The following RANBP3 variants were observed in gnomAD, a reference collection of about 807,000 sequenced individuals.
RANBP3 encodes RAN binding protein 3.
RANBP3 carries 14 observed loss-of-function variants against 77.3 expected under a neutral mutation model. That is an observed-to-expected ratio of 0.18 (90% CI 0.12 to 0.28). The LOEUF is 0.28. Among genes scored for constraint, RANBP3 ranks in the 10% least tolerant of loss-of-function variants. RANBP3 has a pLI of 1.00. For missense variants in RANBP3, 586 were observed against 752.3 expected (o/e 0.78, Z 2.59); for synonymous variants, 315 against 312.4 (o/e 1.01, Z -0.09).
chr19:5,938,360 T>C (rs2058092363), intron 5 of RANBP3, among the ~76,000 whole-genome samples: 1 of 152,156 alleles, frequency 6.6e-6, no homozygotes, highest in Admixed American at 6.5e-5. Context: ...GCAGGCTCCA[T>C]ATTCTTCAGA....
chr19:5,935,153 C>T (rs1011051808), intron 5 of RANBP3, among the ~76,000 whole-genome samples: 1 of 152,234 alleles, frequency 6.6e-6, no homozygotes, highest in Non-Finnish European at 1.5e-5. Flanking sequence ...TTTTCAGACT[C>T]CAAATCAAGA....
chr19:5,939,735 G>T lies in RANBP3; in HGVS notation c.406+1886C>A, dbSNP rs1174139322. ...GAACAGCACGCAAACAGGGCATTCA[G>T]TCTTTCCCGAGAACAGCAAACCCCA... is the stretch of plus-strand genomic sequence containing the variant. On this transcript the variant is annotated intron_variant, in intron 5 of 16. Transcript: ENST00000340578. 4.2e-5 allele frequency among the ~76,000 whole-genome samples: 6 copies of T among 141,596 alleles called. No individual in the cohort carries two copies. In the Admixed American group the frequency reaches 4.3e-4, roughly 10 times the overall value. The allele number at this position is 141,596 out of a possible 152,430, so 92.9% of individuals were successfully genotyped here. A position where few individuals can be genotyped will look rare whatever the true frequency, so the allele number is the denominator to read the frequency against.
rs537083979 is a variant in RANBP3, at chr19:5,923,739, G to C, written c.1099+73C>G. 93 of 1,245,562 alleles carry C rather than the reference G, an allele frequency of 7.5e-5. 2 individuals are homozygous for C. In the South Asian group the frequency reaches 1.1e-3, roughly 15 times the overall value. 77.2% of individuals were successfully genotyped at this position (1,245,562 alleles called of 1,614,324 possible). A position where few individuals can be genotyped will look rare whatever the true frequency, so the allele number is the denominator to read the frequency against. On this transcript the variant is annotated intron_variant, in intron 12 of 16. Transcript: ENST00000340578. ...CGGGCCCCTTATCCCTCCCGGCTGG[G>C]GGTGTGAATGGACCCAGCATCCCCC...
rs117798188 is a variant in RANBP3, at chr19:5,975,203, G to A, written c.22+2858C>T. On this transcript the variant is annotated intron_variant, in intron 1 of 16. Coordinates refer to ENST00000340578, the MANE Select transcript of RANBP3 (RefSeq NM_007322.3). ...AACACACAATGACTGATTGAAGGAC[G>A]GCAGGGATATATGAGGCACAAAGTC... Among the ~76,000 whole-genome samples, 47 of 152,294 alleles carry A rather than the reference G, an allele frequency of 3.1e-4. No homozygotes were observed. The East Asian group carries it at 6.2e-3, about 20-fold the overall frequency.
chr19:5,931,334 C>A, intron 8 of RANBP3, 70 bp downstream of exon 8: 1 of 1,533,596 alleles, frequency 6.5e-7, no homozygotes, highest in Admixed American at 1.8e-5. Context: ...CCACAGCATG[C>A]TGGGAAGGCT....
At position 5,924,892 on chromosome 19, in the gene RANBP3, T is replaced by C. The variant is rs776072699; in HGVS notation, c.931A>G (p.Thr311Ala). 1 of 1,613,936 alleles carries C rather than the reference T, an allele frequency of 6.2e-7. No individual in the cohort carries two copies. The highest frequency in any genetic ancestry group is 8.5e-7 in the Non-Finnish European group (1 of 1,179,796). The change falls in exon 11 of 17, where the codon ACC becomes GCC. Residue 311 changes from threonine (T) to alanine (A), a missense_variant. By Grantham distance (58) the Thr-to-Ala change is moderately conservative. This residue lies in a region of RANBP3 where 232 missense variants were observed against 271.7 expected (regional missense o/e 0.85). Transcript: ENST00000340578. The surrounding 1 kb of genome is among the most constrained non-coding windows in gnomAD (Gnocchi z 4.7). The stretch of plus-strand genomic sequence containing the variant: ...TTGCTGGAGGCGTCGGCACTATTGG[T>C]TGAGTTCTCTAAACTGAAGAGAAGA... ...QYISSSLENS[T>A]NSADASSNKF...
intron 1 of RANBP3, among the ~76,000 whole-genome samples, chr19:5,960,454 C>G (rs1213985011): frequency 6.6e-6 from 1 of 152,172 alleles, no homozygotes; most frequent in Admixed American, 6.5e-5. Context: ...TGATCCACTC[C>G]ATATTGATGG....
intron 2 of RANBP3, among the ~76,000 whole-genome samples, chr19:5,955,392 C>T (rs2145201303): frequency 6.6e-6 from 1 of 152,302 alleles, no homozygotes; most frequent in South Asian, 2.1e-4. Flanking sequence ...GTGTGAGCCA[C>T]CGTGTCTGGC....
At chr19:5,966,858 G>A (rs2058473610) in intron 1 of RANBP3, among the ~76,000 whole-genome samples, 1 of 152,118 alleles carries the variant, frequency 6.6e-6, no homozygotes, top group Non-Finnish European at 1.5e-5. Flanking sequence ...CATAAAATTA[G>A]CTTTAATCCT....
intron 8 of RANBP3, among the ~76,000 whole-genome samples, chr19:5,930,885 G>A (rs1379312575): frequency 6.6e-6 from 1 of 152,162 alleles, no homozygotes; most frequent in Admixed American, 6.5e-5. Context: ...AACTATTTCT[G>A]AGATGACTCC....
At chr19:5,937,398 A>G (rs1171945459) in intron 5 of RANBP3, among the ~76,000 whole-genome samples, 1 of 152,158 alleles carries the variant, frequency 6.6e-6, no homozygotes, top group African/African-American at 2.4e-5. Context: ...GACAGGCCCC[A>G]ACTGAGACAC....
At position 5,958,340 on chromosome 19, in the gene RANBP3, A is replaced by C. The variant is rs1377804505; in HGVS notation, c.23-367T>G. 6.6e-6 allele frequency among the ~76,000 whole-genome samples: 1 copy of C among 152,208 alleles called. No homozygotes were observed. Among genetic ancestry groups the C allele is most frequent in the African/African-American group, 2.4e-5 (1 of 41,456 alleles). ...GGAATGTGGCACCTCCTGAATTGCA[A>C]ATGTTAGAGACTAATTTAGCTTTTT... is the stretch of plus-strand genomic sequence containing the variant. On this transcript the variant is annotated intron_variant, in intron 1 of 16. Transcript: ENST00000340578. The surrounding 1 kb of genome is among the most constrained non-coding windows in gnomAD (Gnocchi z 4.4).
At position 5,925,675 on chromosome 19, in the gene RANBP3, C is replaced by T. The variant is rs780000364; in HGVS notation, c.876G>A (p.Thr292=). The T allele has an allele frequency of 5.9e-5, 96 of 1,613,838 alleles. No individual in the cohort carries two copies. The highest frequency in any genetic ancestry group is 7.5e-5 in the Non-Finnish European group (88 of 1,179,980). Residue 292 remains threonine, a synonymous_variant, in exon 10 of 17, where the codon ACG becomes ACA. Coordinates refer to ENST00000340578, the MANE Select transcript of RANBP3 (RefSeq NM_007322.3). ...MENAGHPSAD[T]PTATNYFLQY... is the part of the protein sequence containing the mutation. ...GGAGGAAATAGTTCGTTGCGGTTGG[C>T]GTGTCTGCGCTGGGGTGTCCAGCAT...
chr19:5,936,572 C>A (rs950065217), intron 5 of RANBP3, among the ~76,000 whole-genome samples: 2 of 152,192 alleles, frequency 1.3e-5, no homozygotes, highest in Non-Finnish European at 1.5e-5. Context: ...TTTCTAAAGA[C>A]CATGTTCCCT....
chr19:5,962,570 C>T (rs1311851536), intron 1 of RANBP3: 10 of 427,688 alleles, frequency 2.3e-5, no homozygotes, highest in South Asian at 8.3e-5. Context: ...TCCAGAGGAA[C>T]GGAACCAAGA....
chr19:5,960,131 G>C (rs898415449), intron 1 of RANBP3, among the ~76,000 whole-genome samples: 20 of 151,990 alleles, frequency 1.3e-4, no homozygotes, highest in African/African-American at 4.8e-4. Context: ...GCCAACCAGA[G>C]GTAGCAGAGT....
At chr19:5,950,997 GT>G in intron 3 of RANBP3, 1 of 269,402 alleles carries the variant, frequency 3.7e-6, no homozygotes. Flanking sequence ...AGCTTCTTGG[GT>G]TTCTAAGACG....
At chr19:5,943,320 G>A (rs1005432391) in intron 3 of RANBP3, among the ~76,000 whole-genome samples, 1 of 152,208 alleles carries the variant, frequency 6.6e-6, no homozygotes, top group Non-Finnish European at 1.5e-5. Context: ...GCCTGGGAAA[G>A]CAAACTGCAA....
chr19:5,917,642 C>T lies in RANBP3; in HGVS notation c.1672G>A (p.Glu558Lys), dbSNP rs377345691. 14 of 1,606,652 alleles carry T rather than the reference C, an allele frequency of 8.7e-6. No homozygotes were observed. The highest frequency in any genetic ancestry group is 1.1e-5 in the South Asian group (1 of 90,440). Residue 558 changes from glutamate (E) to lysine (K), a missense_variant, in exon 17 of 17, where the codon GAA (glutamate) becomes AAA (lysine). By Grantham distance (56) the Glu-to-Lys change is moderately conservative. Around this residue, in one of 5 missense-constraint regions of RANBP3, gnomAD observed 128 missense variants for 157.0 expected, o/e 0.82. Coordinates refer to ENST00000340578, the MANE Select transcript of RANBP3 (RefSeq NM_007322.3). ...SGATAAGAGDEGDGQTTGST is the reference protein window; with the variant it reads ...SGATAAGAGDKGDGQTTGST ...CTCCCGGTCGTCTGCCCGTCCCCTT[C>T]GTCACCAGCACCTGCAGGGAAGCAG...
Sources: gnomAD v4.1 joint callset for allele counts (sites outside exome capture counted in the v4.1 genomes callset) on GRCh38, gnomAD v4.1.1 for gene constraint, gnomAD v4.1.1 regional missense constraint, Gnocchi (gnomAD v3.1) non-coding constraint, MANE v1.5 for transcripts, NCBI Gene and HGNC (gene_info 2026-07-23, HGNC 2026-07-21) for gene names.